Variants in KCNIP1 observed in about 807,000 individuals in gnomAD.
KCNIP1 encodes the protein A-type potassium channel modulatory protein KCNIP1.
Under a neutral mutation model 33.0 loss-of-function variants are expected in KCNIP1, and 18 were observed. The observed-to-expected ratio is 0.55, with a 90% CI of 0.38 to 0.81. KCNIP1 has a LOEUF of 0.81. Among genes scored for constraint, KCNIP1 ranks in the 30% least tolerant of loss-of-function variants. The pLI is 0.00. For missense variants in KCNIP1, 238 were observed against 271.6 expected (o/e 0.88, Z 0.87); for synonymous variants, 93 against 98.3 (o/e 0.95, Z 0.32).
At chr5:170,359,466 G>A (rs945296661) in intron 1 of KCNIP1, among the ~76,000 whole-genome samples, 1 of 152,146 alleles carries the variant, frequency 6.6e-6, no homozygotes, top group Non-Finnish European at 1.5e-5. Context: ...CCTTGCTGGG[G>A]AAAGAGAGTC....
At chr5:170,573,898 A>G (rs1757506009) in intron 1 of KCNIP1, among the ~76,000 whole-genome samples, 1 of 152,020 alleles carries the variant, frequency 6.6e-6, no homozygotes, top group Non-Finnish European at 1.5e-5. Flanking sequence ...TTAGTGGCTT[A>G]TGTTTGTGCT....
intron 1 of KCNIP1, among the ~76,000 whole-genome samples, chr5:170,411,026 G>T (rs535446050): frequency 6.6e-6 from 1 of 152,340 alleles, no homozygotes; most frequent in African/African-American, 2.4e-5. Flanking sequence ...CAGTGAATGT[G>T]ATTTTAGCAC....
chr5:170,479,868 T>C (rs1193065446), intron 1 of KCNIP1, among the ~76,000 whole-genome samples: 1 of 152,254 alleles, frequency 6.6e-6, no homozygotes, highest in Non-Finnish European at 1.5e-5. Context: ...CTCTTGACAT[T>C]CGAACACTAT....
chr5:170,694,373 A>G (rs756705974), intron 1 of KCNIP1, among the ~76,000 whole-genome samples: 13 of 152,148 alleles, frequency 8.5e-5, no homozygotes, highest in Non-Finnish European at 1.6e-4. Flanking sequence ...GTTTTTTAAA[A>G]TGGTAAAACA....
chr5:170,381,723 C>A (rs539965771), intron 1 of KCNIP1, among the ~76,000 whole-genome samples: 1 of 152,352 alleles, frequency 6.6e-6, no homozygotes, highest in East Asian at 1.9e-4. Flanking sequence ...CTCCTCTGAG[C>A]TGGCAATCTC....
At chr5:170,548,989 G>A (rs950673118) in intron 1 of KCNIP1, among the ~76,000 whole-genome samples, 3 of 152,162 alleles carry the variant, frequency 2.0e-5, no homozygotes, top group African/African-American at 7.2e-5. Context: ...GGCTGGAGAA[G>A]CCAAGTAGTA....
intron 1 of KCNIP1, among the ~76,000 whole-genome samples, chr5:170,700,353 T>C (rs1302674592): frequency 6.6e-6 from 1 of 152,114 alleles, no homozygotes. Flanking sequence ...TCAAACATTA[T>C]TTTTAAAAAA....
intron 1 of KCNIP1, among the ~76,000 whole-genome samples, chr5:170,619,071 G>T (rs1444237437): frequency 6.6e-6 from 1 of 152,236 alleles, no homozygotes; most frequent in East Asian, 1.9e-4. Context: ...ATAAACAGCT[G>T]TTGAAGAGAC....
At chr5:170,396,462 A>G (rs1464707189) in intron 1 of KCNIP1, among the ~76,000 whole-genome samples, 1 of 152,256 alleles carries the variant, frequency 6.6e-6, no homozygotes, top group Non-Finnish European at 1.5e-5. Flanking sequence ...ACATGTGTCC[A>G]TGGTGGTTGA....
intron 1 of KCNIP1, among the ~76,000 whole-genome samples, chr5:170,449,072 T>C (rs995252591): frequency 1.3e-5 from 2 of 152,304 alleles, no homozygotes; most frequent in African/African-American, 4.8e-5. Context: ...AAAGTGTCCT[T>C]GGAAATGAGA....
intron 1 of KCNIP1, among the ~76,000 whole-genome samples, chr5:170,564,376 T>C (rs147513129): frequency 3.6e-4 from 55 of 152,270 alleles, no homozygotes; most frequent in African/African-American, 1.3e-3. Flanking sequence ...ACTACAACAC[T>C]TATTTGCACA....
chr5:170,709,908 C>T (rs1324958700), intron 1 of KCNIP1, among the ~76,000 whole-genome samples: 1 of 151,902 alleles, frequency 6.6e-6, no homozygotes, highest in Non-Finnish European at 1.5e-5. Flanking sequence ...CACTTTGTTG[C>T]CCAGCCTGGA....
chr5:170,583,590 C>A (rs1757877472), intron 1 of KCNIP1, among the ~76,000 whole-genome samples: 1 of 152,180 alleles, frequency 6.6e-6, no homozygotes, highest in South Asian at 2.1e-4. Flanking sequence ...AATAGCCTGC[C>A]TCTTCATTTG....
chr5:170,524,302 G>A lies in KCNIP1; in HGVS notation c.61+19669G>A, dbSNP rs145497472. Among the ~76,000 whole-genome samples the A allele has an allele frequency of 9.4e-3, 1,430 of 152,238 alleles. 16 individuals carry two copies. Among genetic ancestry groups the A allele is most frequent in the African/African-American group, 0.031 (1,285 of 41,520 alleles). ...CTTGTGACACCCAACCCTATCAGATGCCACATGCACTTCTCCCAGTTGTCC... is the reference window on the plus strand; with the variant it reads ...CTTGTGACACCCAACCCTATCAGATACCACATGCACTTCTCCCAGTTGTCC... On this transcript the variant is annotated intron_variant, in intron 1 of 7. Transcript: ENST00000328939.
chr5:170,497,201 G>A (rs550464761), intron 1 of KCNIP1, among the ~76,000 whole-genome samples: 1 of 152,276 alleles, frequency 6.6e-6, no homozygotes, highest in South Asian at 2.1e-4. Flanking sequence ...ATGAATGATT[G>A]AATGAAGATT....
At chr5:170,468,265 A>T (rs1241498751) in intron 1 of KCNIP1, among the ~76,000 whole-genome samples, 2 of 152,232 alleles carry the variant, frequency 1.3e-5, no homozygotes, top group African/African-American at 4.8e-5. Context: ...TGAAGTACTT[A>T]AAAAGGAATT....
At chr5:170,509,599 T>C (rs1487282266) in intron 1 of KCNIP1, among the ~76,000 whole-genome samples, 1 of 152,158 alleles carries the variant, frequency 6.6e-6, no homozygotes, top group Non-Finnish European at 1.5e-5. Context: ...AGTGAATGAA[T>C]GAAGCAACAA....
intron 1 of KCNIP1, among the ~76,000 whole-genome samples, chr5:170,496,293 A>T (rs1757309521): frequency 6.6e-6 from 1 of 152,194 alleles, no homozygotes; most frequent in South Asian, 2.1e-4. Context: ...CTGAGTCCCC[A>T]GTGAACTGCT....
intron 1 of KCNIP1, among the ~76,000 whole-genome samples, chr5:170,472,496 G>A (rs1232547689): frequency 1.3e-5 from 2 of 152,100 alleles, no homozygotes; most frequent in Non-Finnish European, 2.9e-5. Flanking sequence ...AAGTTCTTTA[G>A]TGGTGATTTG....
Sources: allele counts gnomAD v4.1 joint callset (sites outside exome capture counted in the v4.1 genomes callset), GRCh38; gene constraint gnomAD v4.1.1; transcripts MANE v1.5; gene names NCBI Gene and HGNC (gene_info 2026-07-23, HGNC 2026-07-21).